Variants in OSBP2 observed in about 807,000 individuals in gnomAD.
OSBP2 encodes oxysterol binding protein 2.
A neutral mutation model predicts 96.0 loss-of-function variants in OSBP2; 66 were observed. The observed-to-expected ratio is 0.69, with a 90% confidence interval of 0.56 to 0.84. The LOEUF (loss-of-function observed/expected upper bound fraction) is 0.84, where lower values mean the gene tolerates loss of function less well. Among genes scored for constraint, OSBP2 ranks in the 40% least tolerant of loss-of-function variants. OSBP2 has a pLI of 0.00. For missense variants in OSBP2, 1,038 were observed against 1,222.7 expected, an observed-to-expected ratio of 0.85 and a Z score of 2.25; for synonymous variants, 525 against 520.9, an observed-to-expected ratio of 1.01 and a Z score of -0.11.
chr22:30,850,525 C>T (rs959579261), intron 2 of OSBP2, among the ~76,000 whole-genome samples: 1 of 152,020 alleles, frequency 6.6e-6, no homozygotes, highest in Non-Finnish European at 1.5e-5. Context: ...TTTGAGACAG[C>T]ATCTCACTCT....
At chr22:30,742,165 G>A (rs948167895) in intron 2 of OSBP2, among the ~76,000 whole-genome samples, 12 of 150,262 alleles carry the variant, frequency 8.0e-5, no homozygotes, top group African/African-American at 2.4e-4. Context: ...GGGTGTGGTG[G>A]CACATGCCTG....
At chr22:30,813,240 C>T (rs910853070) in intron 2 of OSBP2, among the ~76,000 whole-genome samples, 1 of 134,804 alleles carries the variant, frequency 7.4e-6, no homozygotes, top group South Asian at 2.3e-4. Context: ...AGTCCAGTGG[C>T]GCAATCTCAG....
intron 2 of OSBP2, among the ~76,000 whole-genome samples, chr22:30,812,617 G>A (rs1447322897): frequency 2.0e-5 from 3 of 152,228 alleles, no homozygotes; most frequent in Non-Finnish European, 2.9e-5. Flanking sequence ...ACATATGTGT[G>A]AGTTTTTCCA....
chr22:30,797,520 G>A (rs1054167375), intron 2 of OSBP2, among the ~76,000 whole-genome samples: 10 of 151,980 alleles, frequency 6.6e-5, no homozygotes, highest in Non-Finnish European at 1.5e-4. Context: ...CTGACCTCGC[G>A]ATCAGCCCAC....
At chr22:30,767,333 A>T (rs2090288319) in intron 2 of OSBP2, among the ~76,000 whole-genome samples, 1 of 151,812 alleles carries the variant, frequency 6.6e-6, no homozygotes, top group South Asian at 2.1e-4. Flanking sequence ...AAATGTTGTT[A>T]TACAAAATAA....
chr22:30,818,474 C>T (rs1175029552), intron 2 of OSBP2, among the ~76,000 whole-genome samples: 2 of 152,152 alleles, frequency 1.3e-5, no homozygotes, highest in Non-Finnish European at 2.9e-5. Context: ...TCCAGTTCAT[C>T]TTACTGGGCT....
intron 1 of OSBP2, among the ~76,000 whole-genome samples, chr22:30,697,479 A>G (rs1032645508): frequency 1.3e-5 from 2 of 152,058 alleles, no homozygotes; most frequent in African/African-American, 2.4e-5. Flanking sequence ...GGGTTTCACC[A>G]TGTTGGCCAG....
chr22:30,781,573 T>A (rs1001180380), intron 2 of OSBP2, among the ~76,000 whole-genome samples: 10 of 152,162 alleles, frequency 6.6e-5, no homozygotes, highest in Non-Finnish European at 1.3e-4. Context: ...ATACCTCTGC[T>A]TCCTGCAAAG....
At chr22:30,829,324 C>G (rs770498399) in intron 2 of OSBP2, among the ~76,000 whole-genome samples, 1 of 152,212 alleles carries the variant, frequency 6.6e-6, no homozygotes, top group African/African-American at 2.4e-5. Context: ...GAGTCTTGCT[C>G]TGGAGTCTTC....
intron 1 of OSBP2, among the ~76,000 whole-genome samples, chr22:30,696,602 C>T (rs1452156325): frequency 6.6e-6 from 1 of 152,176 alleles, no homozygotes; most frequent in East Asian, 1.9e-4. Flanking sequence ...ACTTCACTCA[C>T]TTCATTCAGC....
chr22:30,697,937 G>A (rs916295108), intron 1 of OSBP2, among the ~76,000 whole-genome samples: 3 of 152,186 alleles, frequency 2.0e-5, no homozygotes, highest in Admixed American at 1.3e-4. Context: ...CTGTGTGTCC[G>A]AATGCCACCA....
chr22:30,732,639 G>A (rs1201721330), intron 1 of OSBP2, among the ~76,000 whole-genome samples: 1 of 152,222 alleles, frequency 6.6e-6, no homozygotes, highest in Non-Finnish European at 1.5e-5. Context: ...TGTGAGGATG[G>A]GAAGCACACA....
chr22:30,755,649 C>T (rs2090131213), intron 2 of OSBP2, among the ~76,000 whole-genome samples: 1 of 152,138 alleles, frequency 6.6e-6, no homozygotes, highest in Non-Finnish European at 1.5e-5. Flanking sequence ...GGCTTGCTCA[C>T]CTGTCTTTAT....
intron 2 of OSBP2, among the ~76,000 whole-genome samples, chr22:30,853,291 TC>T (rs983879050): frequency 6.6e-6 from 1 of 152,236 alleles, no homozygotes; most frequent in African/African-American, 2.4e-5. Context: ...TTAAGCTCTG[TC>T]ACGAGGCACG....
intron 2 of OSBP2, among the ~76,000 whole-genome samples, chr22:30,751,953 T>C (rs567234452): frequency 6.6e-6 from 1 of 152,212 alleles, no homozygotes; most frequent in Non-Finnish European, 1.5e-5. Flanking sequence ...GGGAAAGCCA[T>C]GGTCATCCTG....
At chr22:30,750,098 A>C (rs986931384) in intron 2 of OSBP2, among the ~76,000 whole-genome samples, 6 of 152,152 alleles carry the variant, frequency 3.9e-5, no homozygotes, top group African/African-American at 1.4e-4. Context: ...CTAAGTTTGC[A>C]TTTCTCTAAC....
chr22:30,765,961 A>T (rs571674557), intron 2 of OSBP2, among the ~76,000 whole-genome samples: 13 of 152,230 alleles, frequency 8.5e-5, no homozygotes, highest in Non-Finnish European at 1.6e-4. Flanking sequence ...GGAGCCAGGC[A>T]TGGCAGTTCA....
intron 2 of OSBP2, among the ~76,000 whole-genome samples, chr22:30,794,913 A>C (rs111476783): frequency 7.2e-6 from 1 of 138,596 alleles, no homozygotes; most frequent in Non-Finnish European, 1.5e-5. Flanking sequence ...TTATATAACT[A>C]CTTTTTTTTT....
At chr22:30,883,838 C>T (rs936708184) in intron 3 of OSBP2, among the ~76,000 whole-genome samples, 1 of 152,170 alleles carries the variant, frequency 6.6e-6, no homozygotes, top group Non-Finnish European at 1.5e-5. Flanking sequence ...CAAAGAGGTG[C>T]CATCTGGTCT....
Sources: allele counts gnomAD v4.1 joint callset (sites outside exome capture counted in the v4.1 genomes callset), GRCh38; gene constraint gnomAD v4.1.1; transcripts MANE v1.5; gene names NCBI Gene and HGNC (gene_info 2026-07-23, HGNC 2026-07-21).